The following DKK3 variants were observed in gnomAD, a reference collection of about 807,000 sequenced individuals.
DKK3 encodes dickkopf-related protein 3.
DKK3 carries 22 observed loss-of-function variants against 33.2 expected under a neutral mutation model. The observed-to-expected ratio is 0.66, with a 90% confidence interval of 0.47 to 0.95. The LOEUF is 0.95. Ranked by LOEUF, DKK3 falls within the 40% of genes least tolerant of loss-of-function variation. The pLI, the probability that DKK3 is intolerant of heterozygous loss-of-function variation, is 0.00. For synonymous variants in DKK3, 194 were observed against 188.8 expected (o/e 1.03, Z -0.23); for missense variants, 398 against 458.4 (o/e 0.87, Z 1.20).
chr11:11,991,463 T>C (rs1362948480), intron 3 of DKK3, among the ~76,000 whole-genome samples: 2 of 152,260 alleles, frequency 1.3e-5, no homozygotes, highest in East Asian at 3.9e-4. Context: ...CTCATGCCTA[T>C]AGTCCCAGCA....
At chr11:11,989,600 G>T (rs1452121775) in intron 3 of DKK3, among the ~76,000 whole-genome samples, 1 of 152,140 alleles carries the variant, frequency 6.6e-6, no homozygotes, top group Non-Finnish European at 1.5e-5. Context: ...GGGGGGCATT[G>T]TTTAATGGGT....
Position 11,964,306 on chromosome 11 carries a change from C to G in DKK3, c.*158G>C. 3 of 947,526 alleles carry G rather than the reference C, an allele frequency of 3.2e-6. No homozygotes were observed. Among genetic ancestry groups the G allele is most frequent in the South Asian group, 1.6e-5 (1 of 62,130 alleles). The allele number at this position is 947,526 out of a possible 1,614,324, so 58.7% of individuals were successfully genotyped here. A position where few individuals can be genotyped will look rare whatever the true frequency, so the allele number is the denominator to read the frequency against. ...AAGCCTGGAGAACAGCCTGGGGGAG[C>G]TGAACAAATGCACAACACCTCATGC... On this transcript the variant is annotated 3_prime_UTR_variant, in exon 7 of 7. Transcript: ENST00000683431.
At chr11:11,995,437 C>T (rs947941017) in intron 3 of DKK3, among the ~76,000 whole-genome samples, 1 of 152,108 alleles carries the variant, frequency 6.6e-6, no homozygotes, top group Non-Finnish European at 1.5e-5. Flanking sequence ...ATTGAACTTA[C>T]AGCTTCAAAC....
At chr11:11,969,570 G>A (rs955381762) in intron 3 of DKK3, among the ~76,000 whole-genome samples, 6 of 152,196 alleles carry the variant, frequency 3.9e-5, no homozygotes, top group African/African-American at 1.4e-4. Context: ...GCAGCCAGTG[G>A]TGAGAAGGAC....
chr11:11,997,062 C>A (rs900346522), intron 3 of DKK3, among the ~76,000 whole-genome samples: 14 of 152,208 alleles, frequency 9.2e-5, no homozygotes, highest in Admixed American at 6.5e-4. Context: ...CTAAAAGGCA[C>A]CAACTGGACA....
At chr11:11,965,362 TG>T (rs1455140105) in intron 6 of DKK3, among the ~76,000 whole-genome samples, 4 of 152,186 alleles carry the variant, frequency 2.6e-5, no homozygotes, top group Admixed American at 2.6e-4. Context: ...CCTGAGAAGC[TG>T]GCCAGGCTTG....
intron 3 of DKK3, among the ~76,000 whole-genome samples, chr11:11,991,285 T>C (rs1405722438): frequency 6.6e-6 from 1 of 152,202 alleles, no homozygotes; most frequent in Non-Finnish European, 1.5e-5. Flanking sequence ...GTTTGGATAT[T>C]TGTCCTCTTT....
intron 3 of DKK3, among the ~76,000 whole-genome samples, chr11:11,987,273 T>C (rs1225942345): frequency 1.3e-5 from 2 of 152,180 alleles, no homozygotes; most frequent in Admixed American, 6.5e-5. Flanking sequence ...CAATTATTAA[T>C]TTTTTGAGAT....
intron 3 of DKK3, among the ~76,000 whole-genome samples, chr11:11,994,908 C>G (rs952527301): frequency 5.3e-5 from 8 of 152,202 alleles, no homozygotes; most frequent in Non-Finnish European, 1.5e-5. Flanking sequence ...AAAGTATCCT[C>G]ACAACATGCG....
At chr11:12,009,692 C>T, upstream of DKK3, 4 of 985,712 alleles carry the variant, frequency 4.1e-6, no homozygotes, top group Non-Finnish European at 4.8e-6. Flanking sequence ...AAAATCCCAG[C>T]CCCCAGCCTG....
chr11:12,009,450 C>A (rs1225912032), upstream of DKK3: 2 of 905,326 alleles, frequency 2.2e-6, no homozygotes, highest in Non-Finnish European at 2.6e-6. Flanking sequence ...CCAGCCGGGG[C>A]GCCGGCCACC....
At chr11:12,003,625 G>T (rs1848476112) in intron 1 of DKK3, among the ~76,000 whole-genome samples, 1 of 151,980 alleles carries the variant, frequency 6.6e-6, no homozygotes, top group South Asian at 2.1e-4. Context: ...TAGACTAATT[G>T]AGCCAATCAG....
intron 3 of DKK3, among the ~76,000 whole-genome samples, chr11:11,990,675 G>C (rs1441424722): frequency 1.3e-5 from 2 of 152,160 alleles, no homozygotes; most frequent in Non-Finnish European, 2.9e-5. Context: ...CTCTCCCCCA[G>C]CTTTACTTGC....
At chr11:11,982,002 C>G (rs1847964411) in intron 3 of DKK3, among the ~76,000 whole-genome samples, 1 of 152,164 alleles carries the variant, frequency 6.6e-6, no homozygotes, top group Non-Finnish European at 1.5e-5. Flanking sequence ...CAGGTGCTCC[C>G]CATGGTCCTG....
chr11:12,002,129 T>G (rs1848441364), intron 2 of DKK3, 171 bp downstream of exon 2: 4 of 706,356 alleles, frequency 5.7e-6, no homozygotes, highest in Non-Finnish European at 8.6e-6. Context: ...ATACATTGTC[T>G]CTCCACTTTC....
At chr11:11,966,870 G>T in intron 5 of DKK3, 84 bp downstream of exon 5, 1 of 1,558,774 alleles carries the variant, frequency 6.4e-7, no homozygotes, top group Non-Finnish European at 8.7e-7. Flanking sequence ...AAACCATGTG[G>T]TTGGCATGGA....
intron 3 of DKK3, among the ~76,000 whole-genome samples, chr11:11,981,295 T>A (rs1186235253): frequency 1.3e-5 from 2 of 152,114 alleles, no homozygotes; most frequent in African/African-American, 4.8e-5. Flanking sequence ...CTGCCTAGGG[T>A]TCCAGGCAAC....
At chr11:11,977,587 C>T (rs963640299) in intron 3 of DKK3, among the ~76,000 whole-genome samples, 1 of 152,196 alleles carries the variant, frequency 6.6e-6, no homozygotes, top group Non-Finnish European at 1.5e-5. Flanking sequence ...CTACCCACTC[C>T]CCCCAACACT....
At chr11:12,002,184 T>A in intron 2 of DKK3, 116 bp downstream of exon 2, 1 of 1,121,102 alleles carries the variant, frequency 8.9e-7, no homozygotes, top group African/African-American at 1.5e-5. Flanking sequence ...TATTTTATGA[T>A]TCTCAATTGT....
Sources: allele counts gnomAD v4.1 joint callset (sites outside exome capture counted in the v4.1 genomes callset), GRCh38; gene constraint gnomAD v4.1.1; transcripts MANE v1.5; gene names NCBI Gene and HGNC (gene_info 2026-07-23, HGNC 2026-07-21).